EEIG2: variants seen among roughly 807,000 people sequenced by gnomAD.
EEIG2 encodes family with sequence similarity 102 member B.
the EEIG2 span, chr1:108,625,068 G>A: frequency 4.5e-4 from 99 of 218,426 alleles, no homozygotes; most frequent in South Asian, 0.01. Flanking sequence ...TCTGCCTCTC[G>A]GGTGTCGCTC....
the EEIG2 span, among the ~76,000 whole-genome samples, chr1:108,613,080 G>T: frequency 1.3e-5 from 2 of 152,196 alleles, no homozygotes; most frequent in Non-Finnish European, 2.9e-5. Flanking sequence ...GCATAAAGTG[G>T]TTTTTGTAAC....
At chr1:108,570,365 A>T in the EEIG2 span, among the ~76,000 whole-genome samples, 3 of 152,292 alleles carry the variant, frequency 2.0e-5, no homozygotes, top group East Asian at 5.8e-4. Context: ...AGGAGCCTAG[A>T]CTTGGTTCTG....
the EEIG2 span, among the ~76,000 whole-genome samples, chr1:108,583,645 G>A: frequency 6.6e-6 from 1 of 151,978 alleles, no homozygotes; most frequent in African/African-American, 2.4e-5. Flanking sequence ...TTAAACATTT[G>A]AGTGTAAGAA....
At chr1:108,624,446 A>AAAAC in the EEIG2 span, among the ~76,000 whole-genome samples, 2 of 149,580 alleles carry the variant, frequency 1.3e-5, no homozygotes. Flanking sequence ...AAAAAAAAAA[A>AAAAC]AAACCCTTTT....
the EEIG2 span, among the ~76,000 whole-genome samples, chr1:108,610,876 G>A: frequency 2.6e-5 from 4 of 152,136 alleles, no homozygotes; most frequent in African/African-American, 4.8e-5. Flanking sequence ...AGAGCTTGCA[G>A]TGAGCCAGAG....
the EEIG2 span, among the ~76,000 whole-genome samples, chr1:108,598,362 G>T: frequency 7.2e-6 from 1 of 139,092 alleles, no homozygotes. Context: ...AAAAAAATCT[G>T]GATTTTTTTT....
At chr1:108,618,973 A>G in the EEIG2 span, among the ~76,000 whole-genome samples, 3 of 152,108 alleles carry the variant, frequency 2.0e-5, no homozygotes, top group Non-Finnish European at 4.4e-5. Flanking sequence ...CAATTTTGCT[A>G]TACTATTTTT....
chr1:108,624,911 A>T, the EEIG2 span: 1 of 616,568 alleles, frequency 1.6e-6, no homozygotes, highest in South Asian at 2.1e-5. Context: ...TTTTGTCTAA[A>T]GTATTGTGCT....
At chr1:108,601,773 A>T in the EEIG2 span, among the ~76,000 whole-genome samples, 2 of 152,230 alleles carry the variant, frequency 1.3e-5, no homozygotes, top group Non-Finnish European at 2.9e-5. Flanking sequence ...TCAATCTGAC[A>T]CAAAACTACA....
At chr1:108,579,768 TGTGTGA>T in the EEIG2 span, among the ~76,000 whole-genome samples, 40 of 14,392 alleles carry the variant, frequency 2.8e-3, no homozygotes, top group African/African-American at 6.7e-3. Context: ...TGTGTGTGTG[TGTGTGA>T]GAGAGAGAGA....
the EEIG2 span, among the ~76,000 whole-genome samples, chr1:108,577,883 C>T: frequency 6.6e-6 from 1 of 151,478 alleles, no homozygotes; most frequent in African/African-American, 2.4e-5. Flanking sequence ...AGTAAATTAC[C>T]TTGGGCAGTA....
chr1:108,602,499 CTGTT>C, the EEIG2 span, among the ~76,000 whole-genome samples: 2 of 152,158 alleles, frequency 1.3e-5, no homozygotes, highest in African/African-American at 2.4e-5. Context: ...CTTTGCATGT[CTGTT>C]TCTCTGTCAA....
chr1:108,606,262 T>G, the EEIG2 span: 1 of 1,552,258 alleles, frequency 6.4e-7, no homozygotes, highest in Non-Finnish European at 8.8e-7. Context: ...GGTAAGCAGA[T>G]GTTCTTTTAA....
At chr1:108,638,495 T>C in the EEIG2 span, 1 of 152,250 alleles carries the variant, frequency 6.6e-6, no homozygotes, top group Admixed American at 6.5e-5. Context: ...GTACATACTC[T>C]GAAGTGTCAG....
At chr1:108,626,788 A>G in the EEIG2 span, 1 of 152,130 alleles carries the variant, frequency 6.6e-6, no homozygotes, top group African/African-American at 2.4e-5. Context: ...TGCCAACTTT[A>G]CCAAACGATC....
the EEIG2 span, among the ~76,000 whole-genome samples, chr1:108,590,888 A>T: frequency 6.6e-6 from 1 of 152,200 alleles, no homozygotes; most frequent in Non-Finnish European, 1.5e-5. Flanking sequence ...AAAAAAATGG[A>T]TCCATAATTT....
At chr1:108,579,820 C>A in the EEIG2 span, among the ~76,000 whole-genome samples, 1 of 73,474 alleles carries the variant, frequency 1.4e-5, no homozygotes, top group South Asian at 5.0e-4. Context: ...TCTTATCACC[C>A]AGGCTGCAGT....
chr1:108,616,663 C>T, the EEIG2 span, among the ~76,000 whole-genome samples: 7,887 of 152,058 alleles, frequency 0.052, 317 homozygotes, highest in East Asian at 0.17. Flanking sequence ...TCGGGTTTTG[C>T]GTAAAATTAT....
At chr1:108,584,888 T>A in the EEIG2 span, among the ~76,000 whole-genome samples, 1 of 152,110 alleles carries the variant, frequency 6.6e-6, no homozygotes, top group African/African-American at 2.4e-5. Flanking sequence ...AGAAATAGCT[T>A]TAGAAATAGC....
Sources: allele counts gnomAD v4.1 joint callset (sites outside exome capture counted in the v4.1 genomes callset), GRCh38; gene constraint gnomAD v4.1.1; transcripts MANE v1.5; gene names NCBI Gene and HGNC (gene_info 2026-07-23, HGNC 2026-07-21).